The following SLC6A13 variants were observed in gnomAD, a reference collection of about 807,000 sequenced individuals.
SLC6A13 encodes solute carrier family 6 member 13.
SLC6A13 carries 69 observed loss-of-function variants against 72.9 expected under a neutral mutation model. The ratio of observed to expected loss-of-function variants is 0.95; its 90% CI spans 0.78 to 1.16. The LOEUF (loss-of-function observed/expected upper bound fraction) is 1.16, where lower values mean the gene tolerates loss of function less well. Among genes scored for constraint, SLC6A13 ranks in the 50% most tolerant of loss-of-function variants. The pLI, the probability that SLC6A13 is intolerant of heterozygous loss-of-function variation, is 0.00. For synonymous variants in SLC6A13, 303 were observed against 303.0 expected, an observed-to-expected ratio of 1.00 and a Z score of 0.00; for missense variants, 735 against 760.5, an observed-to-expected ratio of 0.97 and a Z score of 0.39.
At chr12:249,226 G>T (rs1394401760) in intron 2 of SLC6A13, among the ~76,000 whole-genome samples, 1 of 151,944 alleles carries the variant, frequency 6.6e-6, no homozygotes, top group African/African-American at 2.4e-5. Context: ...TGAAATGAGG[G>T]TGTAGTTAAG....
intron 7 of SLC6A13, among the ~76,000 whole-genome samples, chr12:233,179 G>A (rs1456233055): frequency 6.6e-6 from 1 of 152,210 alleles, no homozygotes; most frequent in South Asian, 2.1e-4. Context: ...TCACTCCCCC[G>A]GCAGGGTGGT....
intron 2 of SLC6A13, among the ~76,000 whole-genome samples, chr12:246,834 C>T (rs976003905): frequency 5.9e-5 from 9 of 151,754 alleles, no homozygotes; most frequent in Non-Finnish European, 7.4e-5. Context: ...ATGGTGAAAC[C>T]CTGTCTCTAC....
chr12:234,400 G>T (rs1941840050), intron 7 of SLC6A13, among the ~76,000 whole-genome samples: 1 of 152,158 alleles, frequency 6.6e-6, no homozygotes, highest in South Asian at 2.1e-4. Context: ...ATATAATCAA[G>T]AAATAACCAT....
chr12:259,505 T>C, intron 2 of SLC6A13: 1 of 1,333,146 alleles, frequency 7.5e-7, no homozygotes. Context: ...GGCATTATTA[T>C]CTCAATTTGC....
chr12:220,974 G>T lies in SLC6A13; in HGVS notation c.1783C>A (p.Leu595Ile), dbSNP rs746523736. ...PATPRTSLLR[L>I]TELESHC is the part of the protein sequence containing the mutation. ...TAGCAGTGAGACTCTAGCTCTGTGA[G>T]TCTGAGCAGTGAGGTCCTGGGGGTG... is the stretch of plus-strand genomic sequence containing the variant. Residue 595 changes from leucine to isoleucine, a missense_variant, in exon 15 of 15, where the codon CTC (leucine) becomes ATC (isoleucine). By Grantham distance (5) the Leu-to-Ile change is conservative. Transcript: ENST00000343164. The T allele has an allele frequency of 6.2e-7, 1 of 1,613,078 alleles. No individual in the cohort carries two copies. The highest frequency in any genetic ancestry group is 1.7e-5 in the Admixed American group (1 of 60,014).
At chr12:259,396 C>T (rs1335116731) in intron 2 of SLC6A13, 1 of 1,055,062 alleles carries the variant, frequency 9.5e-7, no homozygotes, top group Non-Finnish European at 1.1e-6. Flanking sequence ...CTTAAGACCA[C>T]AGAACAGTTT....
In SLC6A13 at chr12:254,919, G is replaced by A. The variant is rs1942686813; in HGVS notation, c.202+4932C>T. ...CCCAGCACTTTGGGAGGCCGAGGCA[G>A]GCAGATCACTTGAGACCAGGAGTTT... On this transcript the variant is annotated intron_variant, in intron 2 of 14. Coordinates refer to ENST00000343164, the MANE Select transcript of SLC6A13 (RefSeq NM_016615.5). This position sits in a 1 kb window ranked among gnomAD's most constrained non-coding sequence, Gnocchi z 4.4. Among the ~76,000 whole-genome samples the A allele has an allele frequency of 6.6e-6, 1 of 152,196 alleles. No individual in the cohort carries two copies. Among genetic ancestry groups the A allele is most frequent in the East Asian group, 1.9e-4 (1 of 5,184 alleles).
chr12:251,422 C>G (rs1942542734), intron 2 of SLC6A13, among the ~76,000 whole-genome samples: 2 of 152,066 alleles, frequency 1.3e-5, no homozygotes, highest in Admixed American at 6.5e-5. Flanking sequence ...CCCATACAAC[C>G]CCCCAGAAAT....
intron 10 of SLC6A13, 89 bp from the exon 11 acceptor site, chr12:224,218 C>T: frequency 1.3e-6 from 2 of 1,548,858 alleles, no homozygotes; most frequent in South Asian, 2.3e-5. Flanking sequence ...CAGGATCAGC[C>T]CTGCCAGCCT....
chr12:255,934 C>T (rs1377421506), intron 2 of SLC6A13, among the ~76,000 whole-genome samples: 2 of 152,112 alleles, frequency 1.3e-5, no homozygotes, highest in African/African-American at 2.4e-5. Flanking sequence ...ACCTTTGTTT[C>T]CTCTGCCTAG....
chr12:237,322 T>C, intron 5 of SLC6A13, 32 bp from the exon 6 acceptor site: 1 of 1,611,356 alleles, frequency 6.2e-7, no homozygotes, highest in South Asian at 1.1e-5. Flanking sequence ...CTGGCTTACT[T>C]TTTCTGCCAG....
intron 7 of SLC6A13, among the ~76,000 whole-genome samples, chr12:229,980 G>A (rs1941639395): frequency 1.3e-5 from 2 of 152,116 alleles, no homozygotes; most frequent in Non-Finnish European, 1.5e-5. Context: ...TGAGAACCCA[G>A]AGCGCAAGGG....
chr12:224,263 C>T, intron 10 of SLC6A13, 134 bp from the exon 11 acceptor site: 1 of 1,399,254 alleles, frequency 7.1e-7, no homozygotes, highest in Non-Finnish European at 1.0e-6. Context: ...TTGTCCTTGC[C>T]TGGTTAGGTC....
intron 8 of SLC6A13, 97 bp from the exon 9 acceptor site, chr12:226,611 G>A: frequency 3.4e-6 from 5 of 1,457,342 alleles, no homozygotes; most frequent in East Asian, 2.5e-5. Flanking sequence ...CCTCCTGGCG[G>A]ACACTGTCCT....
chr12:241,268 A>G (rs1435410895), intron 4 of SLC6A13, among the ~76,000 whole-genome samples: 1 of 152,136 alleles, frequency 6.6e-6, no homozygotes, highest in Non-Finnish European at 1.5e-5. Flanking sequence ...GCGCCACTGC[A>G]CTCCAGCCTG....
At chr12:248,027 A>G (rs531024562) in intron 2 of SLC6A13, among the ~76,000 whole-genome samples, 5 of 152,270 alleles carry the variant, frequency 3.3e-5, no homozygotes, top group African/African-American at 1.2e-4. Flanking sequence ...ATTATTCCAA[A>G]AAAAAAGCAG....
chr12:237,347 C>T, intron 5 of SLC6A13, 57 bp from the exon 6 acceptor site: 3 of 1,597,410 alleles, frequency 1.9e-6, no homozygotes, highest in Non-Finnish European at 2.6e-6. Context: ...AGTTTTGTGG[C>T]CCCGTCCTGG....
In SLC6A13 at chr12:262,803, T is replaced by C. The variant is rs1449655659; in HGVS notation, c.-20A>G. ...ACATTTCGAACCTTAGTGAAGCTGCTGCCAGAGGTCCAGTCAGGGGAGAAG... is the reference window on the plus strand; with the variant it reads ...ACATTTCGAACCTTAGTGAAGCTGCCGCCAGAGGTCCAGTCAGGGGAGAAG... On this transcript the variant is annotated 5_prime_UTR_variant, in exon 1 of 15. Coordinates refer to ENST00000343164, the MANE Select transcript of SLC6A13 (RefSeq NM_016615.5). The C allele has an allele frequency of 2.2e-5, 11 of 497,692 alleles. No homozygotes were observed. The highest frequency in any genetic ancestry group is 2.9e-5 in the Non-Finnish European group (11 of 384,304). The allele number at this position is 497,692 out of a possible 1,614,324, so 30.8% of individuals were successfully genotyped here. A position where few individuals can be genotyped will look rare whatever the true frequency, so the allele number is the denominator to read the frequency against.
Position 235,169 on chromosome 12 carries a change from C to G in SLC6A13, c.752G>C (p.Arg251Pro), listed in dbSNP as rs755181982. Residue 251 changes from arginine to proline, a missense_variant, in exon 7 of 15, where the codon CGA (arginine) becomes CCA (proline). Physicochemically the swap from Arg to Pro is moderately radical, Grantham distance 103. Coordinates refer to ENST00000343164, the MANE Select transcript of SLC6A13 (RefSeq NM_016615.5). ...PYLMLVVLLI[R>P]GVTLPGAAQG... ...GGCTGCCCCAGGCAACGTCACCCCT[C>G]GAATTAACAGGACCACCAGCATGAG... The G allele has an allele frequency of 1.2e-6, 2 of 1,614,030 alleles. No homozygotes were observed. The highest frequency in any genetic ancestry group is 2.7e-5 in the African/African-American group (2 of 74,918).
Sources: gnomAD v4.1 joint callset for allele counts (sites outside exome capture counted in the v4.1 genomes callset) on GRCh38, gnomAD v4.1.1 for gene constraint, Gnocchi (gnomAD v3.1) non-coding constraint, MANE v1.5 for transcripts, NCBI Gene and HGNC (gene_info 2026-07-23, HGNC 2026-07-21) for gene names.